NTRK3: variants seen among roughly 807,000 people sequenced by gnomAD.
NTRK3 encodes the protein NT-3 growth factor receptor.
In NTRK3, 24 loss-of-function variants were observed where a neutral mutation model predicts 91.7. That is an observed-to-expected ratio of 0.26 (90% CI 0.19 to 0.37). NTRK3 has a LOEUF of 0.37. Among genes scored for constraint, NTRK3 ranks in the 10% least tolerant of loss-of-function variants. The probability of loss-of-function intolerance (pLI) is 1.00; values close to 1 mark genes in which losing one functional copy is unlikely to be tolerated. For missense variants in NTRK3, 880 were observed against 1,068.9 expected (o/e 0.82, Z 2.46); for synonymous variants, 483 against 404.0 (o/e 1.20, Z -2.34).
exon 19 of NTRK3, chr15:87,861,075 T>A (rs2064511587): frequency 4.4e-6 from 1 of 227,378 alleles, no homozygotes; most frequent in African/African-American, 2.2e-5. Context: ...GTATCAGGTG[T>A]CCCACATGCC....
At chr15:87,900,910 T>A (rs2066417938) in intron 17 of NTRK3, among the ~76,000 whole-genome samples, 1 of 152,092 alleles carries the variant, frequency 6.6e-6, no homozygotes, top group Non-Finnish European at 1.5e-5. Context: ...CAAAAGGGGA[T>A]GATTTGGTCA....
chr15:87,932,878 T>C (rs1051064255), intron 16 of NTRK3, 134 bp downstream of exon 16: 15 of 906,574 alleles, frequency 1.7e-5, no homozygotes, highest in Non-Finnish European at 2.5e-5. Context: ...TGTATAAGAA[T>C]GAATGTGTTC....
At chr15:88,158,094 T>C (rs952421686) in intron 5 of NTRK3, among the ~76,000 whole-genome samples, 1 of 152,206 alleles carries the variant, frequency 6.6e-6, no homozygotes, top group South Asian at 2.1e-4. Flanking sequence ...GTACCTCAGT[T>C]TGCTCATCTG....
At chr15:88,200,242 C>T (rs1378447881) in intron 3 of NTRK3, among the ~76,000 whole-genome samples, 1 of 152,244 alleles carries the variant, frequency 6.6e-6, no homozygotes, top group Non-Finnish European at 1.5e-5. Flanking sequence ...CATCTTTACT[C>T]AGTGGGTTCA....
intron 13 of NTRK3, among the ~76,000 whole-genome samples, chr15:88,082,164 G>A (rs1417811454): frequency 2.0e-5 from 3 of 151,994 alleles, no homozygotes; most frequent in Non-Finnish European, 4.4e-5. Flanking sequence ...TGTAGTCCCA[G>A]CTACTTGGGA....
intron 3 of NTRK3, among the ~76,000 whole-genome samples, chr15:88,236,319 A>G (rs1025274169): frequency 6.6e-6 from 1 of 152,176 alleles, no homozygotes; most frequent in Non-Finnish European, 1.5e-5. Flanking sequence ...TGACAAACAG[A>G]TATTATATGA....
At chr15:88,135,048 C>T (rs997768410) in intron 10 of NTRK3, 53 bp downstream of exon 10, 53 of 1,604,370 alleles carry the variant, frequency 3.3e-5, no homozygotes, top group Non-Finnish European at 4.4e-5. Flanking sequence ...GCCCCATCTC[C>T]CAAGCTTGTA....
rs1289237324 is a variant in NTRK3 at position 88,243,011 on chromosome 15, CGGA to C, written c.248+12892_248+12894del. ...CCCCATAGGCCATAGGGCCCTCCCA[CGGA>C]GGAGGAGGAGCTGCAGCTGCAGGCC... is the stretch of plus-strand genomic sequence containing the variant. On this transcript the variant is annotated intron_variant, in intron 3 of 18. Transcript: ENST00000394480. The surrounding 1 kb of genome is among the most constrained non-coding windows in gnomAD (Gnocchi z 4.8). 6.6e-5 allele frequency among the ~76,000 whole-genome samples: 10 copies of C among 152,200 alleles called. No individual in the cohort carries two copies. The highest frequency in any genetic ancestry group is 1.5e-4 in the Non-Finnish European group (10 of 68,036).
At chr15:88,186,958 A>G (rs1335016891) in intron 3 of NTRK3, among the ~76,000 whole-genome samples, 3 of 152,200 alleles carry the variant, frequency 2.0e-5, no homozygotes, top group African/African-American at 7.2e-5. Flanking sequence ...CATCTATTAA[A>G]TGGGGATAAT....
chr15:87,896,980 G>A (rs186374947), intron 17 of NTRK3, among the ~76,000 whole-genome samples: 6 of 152,284 alleles, frequency 3.9e-5, no homozygotes, highest in African/African-American at 1.4e-4. Flanking sequence ...AACTCACAAA[G>A]ACATCATTAT....
At position 88,033,176 on chromosome 15, in the gene NTRK3, TTATATA is replaced by T. The variant is rs149279639; in HGVS notation, c.1397-137_1397-132del. ...CTTTTTTTTACTTTTGGGGGGTGTG[TTATATA>T]TATATATATATATATATATATATAT... On this transcript the variant is annotated intron_variant, in intron 13 of 18. Coordinates refer to ENST00000394480, the Ensembl canonical transcript of NTRK3. 465 of 195,914 alleles carry T rather than the reference TTATATA, an allele frequency of 2.4e-3. 12 individuals are homozygous for T. Among genetic ancestry groups the T allele is most frequent in the African/African-American group, 0.014 (222 of 16,296 alleles). The allele number at this position is 195,914 out of a possible 1,614,324, so 12.1% of individuals were successfully genotyped here. A position where few individuals can be genotyped will look rare whatever the true frequency, so the allele number is the denominator to read the frequency against.
intron 5 of NTRK3, among the ~76,000 whole-genome samples, chr15:88,177,737 G>T (rs1323132950): frequency 2.0e-5 from 3 of 152,156 alleles, no homozygotes; most frequent in African/African-American, 7.2e-5. Context: ...TACAAATTTG[G>T]GAGTTGGTTC....
At chr15:88,179,557 C>A (rs1280689122) in intron 5 of NTRK3, among the ~76,000 whole-genome samples, 1 of 152,218 alleles carries the variant, frequency 6.6e-6, no homozygotes, top group East Asian at 1.9e-4. Flanking sequence ...GCAGCTCAGA[C>A]AGACGTCTAC....
intron 14 of NTRK3, among the ~76,000 whole-genome samples, chr15:88,003,790 A>T (rs2076284462): frequency 6.6e-6 from 1 of 152,074 alleles, no homozygotes. Flanking sequence ...AAATAGGCAC[A>T]AGGGTGTAAG....
At chr15:87,963,597 A>G (rs4887339) in intron 14 of NTRK3, among the ~76,000 whole-genome samples, 38,477 of 152,190 alleles carry the variant, frequency 0.25, 5,147 homozygotes, top group South Asian at 0.43. Context: ...TTTGTGTTAC[A>G]TGATTTTGCC....
intron 14 of NTRK3, among the ~76,000 whole-genome samples, chr15:87,968,463 T>A (rs2072976270): frequency 6.6e-6 from 1 of 152,104 alleles, no homozygotes; most frequent in Non-Finnish European, 1.5e-5. Context: ...CGTTCAGAGT[T>A]TTATAACAGG....
Position 87,905,349 on chromosome 15 carries a change from T to C in NTRK3, c.2133+23842A>G, listed in dbSNP as rs1036765061. 1.2e-4 allele frequency among the ~76,000 whole-genome samples: 19 copies of C among 152,308 alleles called. No homozygotes were observed. In the East Asian group the frequency reaches 3.5e-3, roughly 28 times the overall value. On this transcript the variant is annotated intron_variant, in intron 17 of 18. Coordinates refer to ENST00000394480, the Ensembl canonical transcript of NTRK3. ...TTATTGGCATCCCAAAGTAATTCTT[T>C]ACTTTGTTGTAGCAGGTCTCTCTTC...
At chr15:88,039,183 C>T (rs568487078) in intron 13 of NTRK3, among the ~76,000 whole-genome samples, 11 of 151,664 alleles carry the variant, frequency 7.3e-5, no homozygotes, top group South Asian at 2.1e-4. Flanking sequence ...ACACACAGCC[C>T]GCCTATTACC....
intron 13 of NTRK3, among the ~76,000 whole-genome samples, chr15:88,075,468 G>C (rs2150578098): frequency 6.6e-6 from 1 of 152,280 alleles, no homozygotes; most frequent in Middle Eastern, 3.4e-3. Context: ...ACAACGCCCT[G>C]AAAGGAACCT....
Sources: gnomAD v4.1 joint callset for allele counts (sites outside exome capture counted in the v4.1 genomes callset) on GRCh38, gnomAD v4.1.1 for gene constraint, Gnocchi (gnomAD v3.1) non-coding constraint, MANE v1.5 for transcripts, NCBI Gene and HGNC (gene_info 2026-07-23, HGNC 2026-07-21) for gene names.